The following KHDRBS1 variants were observed in gnomAD, a reference collection of about 807,000 sequenced individuals.
KHDRBS1 encodes the protein KH RNA binding domain containing, signal transduction associated 1, also known as KH domain-containing, RNA-binding, signal transduction-associated protein 1.
Under a neutral mutation model 48.4 loss-of-function variants are expected in KHDRBS1, and 7 were observed. The observed-to-expected ratio is 0.14, with a 90% CI of 0.08 to 0.27. The LOEUF is 0.27. Ranked by LOEUF, KHDRBS1 falls within the 10% of genes least tolerant of loss-of-function variation. The pLI is 1.00. For missense variants in KHDRBS1, 458 were observed against 601.2 expected (o/e 0.76, Z 2.49); for synonymous variants, 241 against 235.8 (o/e 1.02, Z -0.20).
chr1:32,022,720 C>T (rs927653064), intron 1 of KHDRBS1, among the ~76,000 whole-genome samples: 4 of 151,996 alleles, frequency 2.6e-5, no homozygotes, highest in Non-Finnish European at 5.9e-5. Context: ...GAAACCCCGT[C>T]TCTACTAAAA....
At chr1:32,014,965 T>G (rs1363538920) in intron 1 of KHDRBS1, among the ~76,000 whole-genome samples, 1 of 152,124 alleles carries the variant, frequency 6.6e-6, no homozygotes, top group African/African-American at 2.4e-5. Context: ...AGCTTGAGGT[T>G]TCCGAATCAG....
chr1:32,038,683 A>G, intron 7 of KHDRBS1, 64 bp downstream of exon 7: 1 of 1,484,156 alleles, frequency 6.7e-7, no homozygotes. Context: ...TTGGAGGAAC[A>G]GAGAGATTTA....
Position 32,059,540 on chromosome 1 carries a change from TA to T in KHDRBS1, n.1302-609del, listed in dbSNP as rs77286462. 5.2e-3 allele frequency among the ~76,000 whole-genome samples: 727 copies of T among 139,102 alleles called. 1 individual carries two copies. Among genetic ancestry groups the T allele is most frequent in the African/African-American group, 8.1e-3 (307 of 38,072 alleles). 91.3% of individuals were successfully genotyped at this position (139,102 alleles called of 152,430 possible). A position where few individuals can be genotyped will look rare whatever the true frequency, so the allele number is the denominator to read the frequency against. On this transcript the variant is annotated intron_variant and non_coding_transcript_variant, in intron 10 of 10. Coordinates refer to the KHDRBS1 transcript ENST00000484270. ...GAGTGACAAAGCAAGACTCTTTCTT[TA>T]AAAAAAAAAAAAAGAAGAAGAAGAA...
At chr1:32,028,499 AC>A (rs1197043481) in intron 1 of KHDRBS1, among the ~76,000 whole-genome samples, 1 of 136,970 alleles carries the variant, frequency 7.3e-6, no homozygotes, top group East Asian at 2.1e-4. Context: ...TACTATATAT[AC>A]TTTTTTTTTT....
intron 1 of KHDRBS1, among the ~76,000 whole-genome samples, chr1:32,015,958 A>G (rs746131618): frequency 6.6e-6 from 1 of 152,192 alleles, no homozygotes; most frequent in Non-Finnish European, 1.5e-5. Context: ...AGACGGGCTG[A>G]TCGCGAGGTC....
chr1:32,014,580 C>G (rs1428335106), intron 1 of KHDRBS1, among the ~76,000 whole-genome samples: 1 of 152,196 alleles, frequency 6.6e-6, no homozygotes, highest in African/African-American at 2.4e-5. Flanking sequence ...AGTGGAGGCC[C>G]GAAGGCGACT....
chr1:32,059,165 G>GAAAAA (rs1163066227), intron 10 of KHDRBS1, among the ~76,000 whole-genome samples: 9 of 45,922 alleles, frequency 2.0e-4, no homozygotes, highest in African/African-American at 2.2e-4. Flanking sequence ...TGTCTCAGGA[G>GAAAAA]AAAAAAAAAA....
At position 32,055,870 on chromosome 1, in the gene KHDRBS1, C is replaced by A. The variant is rs574645906; in HGVS notation, n.1302-4293C>A. On this transcript the variant is annotated intron_variant and non_coding_transcript_variant, in intron 10 of 10. Transcript: ENST00000484270. ...TCACGGACCTCTAGAATCCATTTTC[C>A]AGTCCCAGGACTGGAGGTCTTCCAC... is the stretch of plus-strand genomic sequence containing the variant. Among the ~76,000 whole-genome samples the A allele has an allele frequency of 2.0e-5, 3 of 152,232 alleles. No individual in the cohort carries two copies. In the South Asian group the frequency reaches 6.2e-4, roughly 32 times the overall value.
At chr1:32,020,992 A>C (rs921874364) in intron 1 of KHDRBS1, among the ~76,000 whole-genome samples, 6 of 152,176 alleles carry the variant, frequency 3.9e-5, no homozygotes, top group African/African-American at 1.4e-4. Flanking sequence ...CTGTACAACA[A>C]ATTTTCTTAT....
At chr1:32,030,974 C>T (rs892549253) in intron 2 of KHDRBS1, among the ~76,000 whole-genome samples, 13 of 152,076 alleles carry the variant, frequency 8.5e-5, no homozygotes, top group Non-Finnish European at 1.9e-4. Flanking sequence ...CTGGGCCAGG[C>T]ACAGTGGCTC....
intron 3 of KHDRBS1, among the ~76,000 whole-genome samples, 178 bp downstream of exon 3, chr1:32,031,818 C>G (rs1417260582): frequency 6.6e-6 from 1 of 152,140 alleles, no homozygotes; most frequent in Non-Finnish European, 1.5e-5. Flanking sequence ...CTTGGCAACC[C>G]TGGAAGAGCC....
chr1:32,029,126 A>G (rs1639032682), intron 1 of KHDRBS1, among the ~76,000 whole-genome samples: 1 of 152,130 alleles, frequency 6.6e-6, no homozygotes, highest in African/African-American at 2.4e-5. Flanking sequence ...ACTTGCAGTC[A>G]CTCAATGAAT....
chr1:32,042,650 G>C lies in KHDRBS1; in HGVS notation c.*26G>C, dbSNP rs1639301254. ...AAACAAACATGAGGGGAAAATATCA[G>C]TTATGAGCAAAGTTGTTACTGATTT... is the stretch of plus-strand genomic sequence containing the variant. On this transcript the variant is annotated 3_prime_UTR_variant, in exon 9 of 9. Transcript: ENST00000327300. 2.9e-6 allele frequency: 4 copies of C among 1,388,760 alleles called. No individual in the cohort carries two copies. Among genetic ancestry groups the C allele is most frequent in the Non-Finnish European group, 4.1e-6 (4 of 976,862 alleles). The allele number at this position is 1,388,760 out of a possible 1,614,324, so 86.0% of individuals were successfully genotyped here. A position where few individuals can be genotyped will look rare whatever the true frequency, so the allele number is the denominator to read the frequency against.
intron 1 of KHDRBS1, among the ~76,000 whole-genome samples, chr1:32,020,356 G>T (rs2124359300): frequency 6.6e-6 from 1 of 150,410 alleles, no homozygotes; most frequent in South Asian, 2.1e-4. Flanking sequence ...AACCCAGGAG[G>T]TCGAGGCTGC....
At chr1:32,033,615 G>T (rs1374401599) in intron 4 of KHDRBS1, among the ~76,000 whole-genome samples, 1 of 152,116 alleles carries the variant, frequency 6.6e-6, no homozygotes, top group Non-Finnish European at 1.5e-5. Flanking sequence ...CTGATATTTG[G>T]TTAACTAAGG....
chr1:32,030,232 C>T, intron 1 of KHDRBS1, 66 bp from the exon 2 acceptor site: 1 of 1,397,482 alleles, frequency 7.2e-7, no homozygotes, highest in Non-Finnish European at 9.9e-7. Context: ...CATGTTATTG[C>T]TTTAAGCAGA....
chr1:32,019,539 CAAAA>C (rs1236823116), intron 1 of KHDRBS1, among the ~76,000 whole-genome samples: 8 of 150,668 alleles, frequency 5.3e-5, no homozygotes, highest in East Asian at 1.9e-4. Context: ...CAAAAAAAAA[CAAAA>C]AGAAAGAAAG....
chr1:32,058,084 C>G (rs897938889), intron 10 of KHDRBS1, among the ~76,000 whole-genome samples: 1 of 151,702 alleles, frequency 6.6e-6, no homozygotes, highest in South Asian at 2.1e-4. Context: ...CACCACCGTA[C>G]TCCAGACTGG....
intron 4 of KHDRBS1, among the ~76,000 whole-genome samples, chr1:32,036,412 G>T (rs148883692): frequency 0.011 from 1,627 of 152,016 alleles, 25 homozygotes; most frequent in African/African-American, 0.037. Context: ...CTCGTGATCT[G>T]CCCGCCTCGG....
Sources: gnomAD v4.1 joint callset for allele counts (sites outside exome capture counted in the v4.1 genomes callset) on GRCh38, gnomAD v4.1.1 for gene constraint, MANE v1.5 for transcripts, NCBI Gene and HGNC (gene_info 2026-07-23, HGNC 2026-07-21) for gene names.